The following SLC9A9 variants were observed in gnomAD, a reference collection of about 807,000 sequenced individuals.
SLC9A9 encodes the protein solute carrier family 9 member A9.
In SLC9A9, 62 loss-of-function variants were observed where a neutral mutation model predicts 77.8. The ratio of observed to expected loss-of-function variants is 0.80; its 90% CI spans 0.65 to 0.98. The LOEUF (loss-of-function observed/expected upper bound fraction) is 0.98. Among genes scored for constraint, SLC9A9 ranks in the 50% least tolerant of loss-of-function variants. SLC9A9 has a pLI of 0.00. For synonymous variants in SLC9A9, 320 were observed against 283.5 expected (o/e 1.13, Z -1.29); for missense variants, 775 against 774.9 (o/e 1.00, Z 0.00).
At chr3:143,562,532 T>C (rs1467647990) in intron 8 of SLC9A9, among the ~76,000 whole-genome samples, 1 of 151,984 alleles carries the variant, frequency 6.6e-6, no homozygotes, top group African/African-American at 2.4e-5. Context: ...CAAAACTTAA[T>C]AGGAGAAACA....
intron 6 of SLC9A9, among the ~76,000 whole-genome samples, chr3:143,582,761 G>C (rs1576591007): frequency 6.6e-6 from 1 of 152,228 alleles, no homozygotes; most frequent in East Asian, 1.9e-4. Flanking sequence ...GAATAGGTCA[G>C]GAGACTCAGC....
chr3:143,452,493 T>G (rs1559923204), intron 12 of SLC9A9, among the ~76,000 whole-genome samples: 1 of 105,324 alleles, frequency 9.5e-6, no homozygotes, highest in East Asian at 3.2e-4. Flanking sequence ...GAAAAACTGA[T>G]TAAAAAGACT....
intron 6 of SLC9A9, among the ~76,000 whole-genome samples, chr3:143,650,651 G>A (rs893537970): frequency 6.6e-6 from 1 of 152,174 alleles, no homozygotes; most frequent in African/African-American, 2.4e-5. Context: ...ATCACTGTAC[G>A]ATACCAGAAT....
chr3:143,493,750 A>G lies in SLC9A9; in HGVS notation c.1218T>C (p.Val406=), dbSNP rs2035788124. Residue 406 remains valine, a synonymous_variant, in exon 11 of 16, where the codon GTT becomes GTC. Transcript: ENST00000316549. ...GGGGATATATGTTGCAGGCTCTGGC[A>G]ACAAAAATTGCTAGCTGTAGATAAG... The part of the protein sequence containing the change: ...FILGAFLAIF[V]ARACNIYPLS... The G allele has an allele frequency of 1.9e-6, 3 of 1,613,866 alleles. No homozygotes were observed. Among genetic ancestry groups the G allele is most frequent in the South Asian group, 2.2e-5 (2 of 91,074 alleles).
chr3:143,402,027 G>C (rs1217576061), intron 12 of SLC9A9, among the ~76,000 whole-genome samples: 3 of 152,098 alleles, frequency 2.0e-5, no homozygotes, highest in Admixed American at 2.0e-4. Flanking sequence ...TGGTGAAACA[G>C]TTCATTTTCA....
intron 11 of SLC9A9, among the ~76,000 whole-genome samples, chr3:143,476,936 G>T (rs2035487423): frequency 6.6e-6 from 1 of 152,152 alleles, no homozygotes; most frequent in African/African-American, 2.4e-5. Context: ...GTCCATAGTT[G>T]CTGGGGTTGA....
intron 14 of SLC9A9, among the ~76,000 whole-genome samples, chr3:143,277,343 A>G (rs1938080438): frequency 6.6e-6 from 1 of 152,186 alleles, no homozygotes; most frequent in African/African-American, 2.4e-5. Context: ...TGCTTGTTAA[A>G]TACCATTCCT....
intron 13 of SLC9A9, chr3:143,371,857 A>G: frequency 5.1e-6 from 1 of 197,730 alleles, no homozygotes. Flanking sequence ...TTGATAAAGC[A>G]ATTCAGTAAA....
chr3:143,804,730 A>G (rs1323709140), intron 2 of SLC9A9, among the ~76,000 whole-genome samples: 1 of 152,158 alleles, frequency 6.6e-6, no homozygotes, highest in Non-Finnish European at 1.5e-5. Flanking sequence ...AAAAAGAGTT[A>G]TTCCACTAAT....
chr3:143,711,425 TC>T (rs1223747870), intron 4 of SLC9A9, among the ~76,000 whole-genome samples: 2 of 152,080 alleles, frequency 1.3e-5, no homozygotes, highest in African/African-American at 4.8e-5. Context: ...AGAATTTTTT[TC>T]TTAGAGACAG....
chr3:143,558,250 T>C (rs2037022379), intron 8 of SLC9A9, among the ~76,000 whole-genome samples: 1 of 152,204 alleles, frequency 6.6e-6, no homozygotes, highest in African/African-American at 2.4e-5. Flanking sequence ...GGAGCCCTCA[T>C]GGAGAACCTC....
At chr3:143,623,493 A>C (rs149393937) in intron 6 of SLC9A9, among the ~76,000 whole-genome samples, 2,077 of 152,340 alleles carry the variant, frequency 0.014, 41 homozygotes, top group African/African-American at 0.047. Context: ...TGCAAACTGA[A>C]CAACCTGCTC....
intron 4 of SLC9A9, among the ~76,000 whole-genome samples, chr3:143,753,803 T>A (rs1250861464): frequency 6.6e-6 from 1 of 152,108 alleles, no homozygotes; most frequent in Non-Finnish European, 1.5e-5. Flanking sequence ...TGCTAATAGA[T>A]GTAAGAGAAT....
At chr3:143,503,091 C>G (rs1559943027) in intron 9 of SLC9A9, among the ~76,000 whole-genome samples, 1 of 152,168 alleles carries the variant, frequency 6.6e-6, no homozygotes, top group African/African-American at 2.4e-5. Flanking sequence ...TACGGGGACT[C>G]TATTGATGGT....
At chr3:143,289,304 T>G (rs1559853741) in intron 14 of SLC9A9, among the ~76,000 whole-genome samples, 1 of 152,198 alleles carries the variant, frequency 6.6e-6, no homozygotes, top group Non-Finnish European at 1.5e-5. Context: ...GCTGCTCCGG[T>G]ACAGTTTGAC....
chr3:143,399,863 C>G (rs2033811797), intron 12 of SLC9A9, among the ~76,000 whole-genome samples: 1 of 152,038 alleles, frequency 6.6e-6, no homozygotes, highest in East Asian at 1.9e-4. Context: ...ACTAACTCAC[C>G]CACTCATTCA....
chr3:143,438,041 T>C (rs994143591), intron 12 of SLC9A9, among the ~76,000 whole-genome samples: 5 of 152,240 alleles, frequency 3.3e-5, no homozygotes, highest in East Asian at 1.9e-4. Context: ...AGGGAAAATA[T>C]GACACAAGCA....
intron 5 of SLC9A9, among the ~76,000 whole-genome samples, chr3:143,684,211 G>A (rs919900147): frequency 2.0e-5 from 3 of 151,634 alleles, no homozygotes; most frequent in Non-Finnish European, 2.9e-5. Context: ...GAACTCAATG[G>A]GCCTTTTATA....
chr3:143,567,443 G>A (rs2037186182), intron 8 of SLC9A9, among the ~76,000 whole-genome samples: 1 of 152,046 alleles, frequency 6.6e-6, no homozygotes, highest in Non-Finnish European at 1.5e-5. Flanking sequence ...CCTCTATAAA[G>A]ACTTCTCACT....
Sources: gnomAD v4.1 joint callset for allele counts (sites outside exome capture counted in the v4.1 genomes callset) on GRCh38, gnomAD v4.1.1 for gene constraint, MANE v1.5 for transcripts, NCBI Gene and HGNC (gene_info 2026-07-23, HGNC 2026-07-21) for gene names.